The following B3GALT1 variants were observed in gnomAD, a reference collection of about 807,000 sequenced individuals.
B3GALT1 encodes UDP-Gal:betaGlcNAc beta 1,3-galactosyltransferase, polypeptide 1.
In B3GALT1, 10 loss-of-function variants were observed where a neutral mutation model predicts 23.2. That is an observed-to-expected ratio of 0.43 (90% CI 0.27 to 0.73). The LOEUF is 0.73. Among genes scored for constraint, B3GALT1 ranks in the 30% least tolerant of loss-of-function variants. B3GALT1 has a pLI of 0.21. For synonymous variants in B3GALT1, 156 were observed against 141.5 expected (o/e 1.10, Z -0.73); for missense variants, 299 against 405.4 (o/e 0.74, Z 2.25).
intron 2 of B3GALT1, among the ~76,000 whole-genome samples, chr2:167,622,881 C>T (rs1249248575): frequency 1.3e-5 from 2 of 151,932 alleles, no homozygotes; most frequent in Admixed American, 6.6e-5. Flanking sequence ...ATGCATCACC[C>T]GTTAGATTAG....
At chr2:167,463,484 A>C (rs2105326843) in intron 1 of B3GALT1, among the ~76,000 whole-genome samples, 1 of 152,190 alleles carries the variant, frequency 6.6e-6, no homozygotes, top group Non-Finnish European at 1.5e-5. Context: ...TACAAACCCA[A>C]GGTAATAGGA....
At chr2:167,693,971 A>G (rs750078450) in intron 3 of B3GALT1, among the ~76,000 whole-genome samples, 2 of 152,076 alleles carry the variant, frequency 1.3e-5, no homozygotes, top group Non-Finnish European at 2.9e-5. Flanking sequence ...GGGGTTCCTT[A>G]TGCAGCTATA....
intron 1 of B3GALT1, among the ~76,000 whole-genome samples, chr2:167,479,778 A>G (rs940059863): frequency 6.6e-6 from 1 of 152,120 alleles, no homozygotes; most frequent in Non-Finnish European, 1.5e-5. Flanking sequence ...ATTGTAATAA[A>G]GAAAGAGTTT....
intron 2 of B3GALT1, among the ~76,000 whole-genome samples, chr2:167,534,538 A>G (rs1383025368): frequency 2.0e-5 from 3 of 152,176 alleles, no homozygotes; most frequent in Non-Finnish European, 4.4e-5. Flanking sequence ...AATCTTTGCT[A>G]GCTATGGAAA....
intron 2 of B3GALT1, among the ~76,000 whole-genome samples, chr2:167,540,795 C>T (rs533799710): frequency 6.6e-6 from 1 of 152,070 alleles, no homozygotes; most frequent in East Asian, 1.9e-4. Flanking sequence ...ATTAATTTCA[C>T]CATCAAATCT....
chr2:167,339,116 G>T (rs914087646), intron 1 of B3GALT1, among the ~76,000 whole-genome samples: 1 of 152,062 alleles, frequency 6.6e-6, no homozygotes, highest in African/African-American at 2.4e-5. Context: ...TGTATACTCC[G>T]AAGTAATTCT....
In B3GALT1 at chr2:167,447,275, G is replaced by C. The variant is rs146749137; in HGVS notation, c.-510-42902G>C. Among the ~76,000 whole-genome samples the C allele has an allele frequency of 2.2e-4, 33 of 152,292 alleles. 1 individual carries two copies. The East Asian group carries it at 4.6e-3, about 21-fold the overall frequency. ...TGTGAGGTGTCAGTCGGCCCCTACTGGGGGGTGCCTCCCAGTTAGGCTACT... is the reference window on the plus strand; with the variant it reads ...TGTGAGGTGTCAGTCGGCCCCTACTCGGGGGTGCCTCCCAGTTAGGCTACT... On this transcript the variant is annotated intron_variant, in intron 1 of 4. Coordinates refer to ENST00000392690, the MANE Select transcript of B3GALT1 (RefSeq NM_020981.4).
intron 3 of B3GALT1, among the ~76,000 whole-genome samples, chr2:167,788,777 A>G (rs1328941082): frequency 6.6e-6 from 1 of 152,140 alleles, no homozygotes; most frequent in Non-Finnish European, 1.5e-5. Flanking sequence ...GACCCTTCTA[A>G]TGTCCCAAAG....
intron 2 of B3GALT1, among the ~76,000 whole-genome samples, chr2:167,524,687 G>A (rs1024167701): frequency 1.3e-5 from 2 of 152,074 alleles, no homozygotes; most frequent in African/African-American, 4.8e-5. Context: ...TATGCTCCTC[G>A]ATCTGCCATC....
At chr2:167,685,802 T>G (rs1279088343) in intron 3 of B3GALT1, among the ~76,000 whole-genome samples, 3 of 152,186 alleles carry the variant, frequency 2.0e-5, no homozygotes, top group Non-Finnish European at 2.9e-5. Flanking sequence ...CCCTGCTCTT[T>G]TATCTACTTT....
At chr2:167,636,565 G>A (rs1342834202) in intron 2 of B3GALT1, among the ~76,000 whole-genome samples, 2 of 152,094 alleles carry the variant, frequency 1.3e-5, no homozygotes, top group African/African-American at 4.8e-5. Flanking sequence ...ACTCACAATA[G>A]CAAAGGCTTG....
At chr2:167,388,624 C>T (rs1431593517) in intron 1 of B3GALT1, among the ~76,000 whole-genome samples, 2 of 152,154 alleles carry the variant, frequency 1.3e-5, no homozygotes, top group African/African-American at 4.8e-5. Flanking sequence ...CAAATTGACC[C>T]TTGGTAGCCA....
chr2:167,539,887 A>C (rs960692671), intron 2 of B3GALT1, among the ~76,000 whole-genome samples: 2 of 152,100 alleles, frequency 1.3e-5, no homozygotes, highest in Non-Finnish European at 2.9e-5. Context: ...TGTTTTCTGA[A>C]CCTTGGCTAA....
intron 2 of B3GALT1, among the ~76,000 whole-genome samples, chr2:167,598,545 A>T (rs1000853598): frequency 3.3e-5 from 5 of 152,164 alleles, no homozygotes; most frequent in Non-Finnish European, 7.3e-5. Flanking sequence ...AAACCTCAAA[A>T]GCAGTATTTG....
At chr2:167,840,101 T>A (rs1288583315) in intron 4 of B3GALT1, among the ~76,000 whole-genome samples, 3 of 152,178 alleles carry the variant, frequency 2.0e-5, no homozygotes, top group Non-Finnish European at 4.4e-5. Flanking sequence ...GGCATTACCA[T>A]TCAGGACATA....
chr2:167,339,059 C>T (rs1697105866), intron 1 of B3GALT1, among the ~76,000 whole-genome samples: 2 of 152,038 alleles, frequency 1.3e-5, no homozygotes, highest in South Asian at 2.1e-4. Flanking sequence ...ACAGTTTGCT[C>T]AAATTAAAGA....
At chr2:167,445,568 A>G (rs144319962) in intron 1 of B3GALT1, among the ~76,000 whole-genome samples, 2,034 of 152,254 alleles carry the variant, frequency 0.013, 45 homozygotes, top group African/African-American at 0.046. Context: ...GTGCATATAT[A>G]TTTAGAGTTG....
At chr2:167,821,710 C>G (rs989756783) in intron 4 of B3GALT1, among the ~76,000 whole-genome samples, 20 of 151,902 alleles carry the variant, frequency 1.3e-4, no homozygotes, top group Non-Finnish European at 2.9e-5. Flanking sequence ...GCTGAGATTA[C>G]AGGCGTAAGC....
chr2:167,811,870 G>T (rs1207188980), intron 3 of B3GALT1, among the ~76,000 whole-genome samples: 3 of 152,170 alleles, frequency 2.0e-5, no homozygotes, highest in African/African-American at 7.2e-5. Flanking sequence ...ATCAGGTCAA[G>T]ATGCCATCCT....
Sources: allele counts gnomAD v4.1 joint callset (sites outside exome capture counted in the v4.1 genomes callset), GRCh38; gene constraint gnomAD v4.1.1; transcripts MANE v1.5; gene names NCBI Gene and HGNC (gene_info 2026-07-23, HGNC 2026-07-21).